The following CCDC40 variants were observed in gnomAD, a reference collection of about 807,000 sequenced individuals.
CCDC40 encodes the protein coiled-coil domain-containing protein 40.
CCDC40 carries 104 observed loss-of-function variants against 124.5 expected under a neutral mutation model. That is an observed-to-expected ratio of 0.84 (90% CI 0.71 to 0.98). CCDC40 has a LOEUF of 0.98. Among genes scored for constraint, CCDC40 ranks in the 50% least tolerant of loss-of-function variants. The pLI is 0.00. For missense variants in CCDC40, 1,463 were observed against 1,503.9 expected (o/e 0.97, Z 0.45); for synonymous variants, 580 against 602.9 (o/e 0.96, Z 0.56).
chr17:80,079,212 T>C (rs2038388247), intron 10 of CCDC40, among the ~76,000 whole-genome samples: 1 of 152,164 alleles, frequency 6.6e-6, no homozygotes, highest in African/African-American at 2.4e-5. Context: ...AGTCAGAAAG[T>C]ACTTTCTTCT....
At chr17:80,080,724 C>T (rs1314265983) in intron 10 of CCDC40, among the ~76,000 whole-genome samples, 1 of 152,176 alleles carries the variant, frequency 6.6e-6, no homozygotes, top group Non-Finnish European at 1.5e-5. Flanking sequence ...AATCACAGTA[C>T]AAAAGAGTTG....
intron 3 of CCDC40, among the ~76,000 whole-genome samples, chr17:80,041,574 G>T (rs2037284588): frequency 6.6e-6 from 1 of 152,086 alleles, no homozygotes; most frequent in Non-Finnish European, 1.5e-5. Context: ...CCTCATTCAG[G>T]GTTCACCAAA....
At chr17:80,076,047 T>G (rs1180029355) in intron 10 of CCDC40, among the ~76,000 whole-genome samples, 1 of 152,226 alleles carries the variant, frequency 6.6e-6, no homozygotes, top group Non-Finnish European at 1.5e-5. Context: ...AATCTGCTCC[T>G]GTGAAGATGC....
chr17:80,058,280 G>A lies in CCDC40; in HGVS notation c.1160-214G>A, dbSNP rs553948168. 3.3e-5 allele frequency among the ~76,000 whole-genome samples: 5 copies of A among 152,340 alleles called. No individual in the cohort carries two copies. The highest frequency in any genetic ancestry group is 2.1e-4 in the South Asian group (1 of 4,834). On this transcript the variant is annotated intron_variant, in intron 7 of 19. Coordinates refer to ENST00000397545, the MANE Select transcript of CCDC40 (RefSeq NM_017950.4). This position sits in a 1 kb window ranked among gnomAD's most constrained non-coding sequence, Gnocchi z 4.2. Reference sequence around the variant, plus strand: ...GCTGCAATTTGTGGATGTAGATTCCGTATATTTTTGTCTCTTCCAAGAGAC... The same window carrying A: ...GCTGCAATTTGTGGATGTAGATTCCATATATTTTTGTCTCTTCCAAGAGAC...
intron 7 of CCDC40, among the ~76,000 whole-genome samples, chr17:80,054,983 AAAAT>A (rs1201708093): frequency 1.6e-4 from 25 of 152,072 alleles, no homozygotes; most frequent in African/African-American, 6.0e-4. Context: ...TCAAAAAAAA[AAAAT>A]AAATAAATCA....
intron 10 of CCDC40, among the ~76,000 whole-genome samples, chr17:80,072,833 A>G (rs2038224272): frequency 6.6e-6 from 1 of 152,160 alleles, no homozygotes; most frequent in South Asian, 2.1e-4. Flanking sequence ...ACTGATGGAC[A>G]TTTGGCTTTT....
intron 7 of CCDC40, among the ~76,000 whole-genome samples, chr17:80,050,935 G>T (rs1460629633): frequency 3.3e-5 from 5 of 152,194 alleles, no homozygotes. Flanking sequence ...GGTGAGGCCG[G>T]CACGACGGTC....
chr17:80,069,161 C>T (rs2038125797), intron 10 of CCDC40, among the ~76,000 whole-genome samples: 1 of 152,132 alleles, frequency 6.6e-6, no homozygotes, highest in African/African-American at 2.4e-5. Flanking sequence ...TCTCTTTCCC[C>T]ATGCCTTTGT....
intron 10 of CCDC40, chr17:80,067,773 C>A (rs2038085643): frequency 1.4e-6 from 2 of 1,469,538 alleles, no homozygotes; most frequent in Non-Finnish European, 1.8e-6. Context: ...AGGATTGTGA[C>A]AGTCACGCCC....
At chr17:80,092,970 C>T (rs1035932200) in intron 17 of CCDC40, among the ~76,000 whole-genome samples, 1 of 151,934 alleles carries the variant, frequency 6.6e-6, no homozygotes, top group Non-Finnish European at 1.5e-5. Context: ...ATTTTTTTTG[C>T]ATTTGGATGT....
chr17:80,097,977 T>C, intron 19 of CCDC40: 1 of 171,392 alleles, frequency 5.8e-6, no homozygotes, highest in South Asian at 1.3e-4. Context: ...TGTTAGGTGG[T>C]GGTAAATGCT....
intron 10 of CCDC40, chr17:80,067,056 G>A (rs957614810): frequency 5.2e-5 from 8 of 154,844 alleles, no homozygotes; most frequent in Admixed American, 1.9e-4. Context: ...CAGCTGCCAC[G>A]GGCCTTAAGA....
At chr17:80,044,420 A>G (rs2037360187) in intron 3 of CCDC40, among the ~76,000 whole-genome samples, 1 of 152,168 alleles carries the variant, frequency 6.6e-6, no homozygotes, top group Admixed American at 6.5e-5. Context: ...CTAGTGGCTC[A>G]TGGCTGTGAT....
chr17:80,064,507 G>C (rs149987173), intron 9 of CCDC40, among the ~76,000 whole-genome samples: 6 of 147,826 alleles, frequency 4.1e-5, no homozygotes, highest in African/African-American at 1.1e-4. Flanking sequence ...GGTCGCTCCT[G>C]TACCCATGGA....
At chr17:80,061,695 G>A (rs1042570063) in intron 9 of CCDC40, among the ~76,000 whole-genome samples, 4 of 152,186 alleles carry the variant, frequency 2.6e-5, no homozygotes, top group East Asian at 1.9e-4. Flanking sequence ...CCTGTTCATC[G>A]AGCGAAGTCA....
In CCDC40 at chr17:80,045,832, A is replaced by G. The variant is rs554730001; in HGVS notation, c.553-1447A>G. On this transcript the variant is annotated intron_variant, in intron 3 of 19. Coordinates refer to ENST00000397545, the MANE Select transcript of CCDC40 (RefSeq NM_017950.4). ...CCCACAATGTTGCACAAAGATCATC[A>G]TAACCTTTCAAAAAAAAAAAAAACA... is the stretch of plus-strand genomic sequence containing the variant. 9.2e-5 allele frequency among the ~76,000 whole-genome samples: 13 copies of G among 141,372 alleles called. No homozygotes were observed. In the South Asian group the frequency reaches 2.9e-3, roughly 31 times the overall value. The allele number at this position is 141,372 out of a possible 152,430, so 92.7% of individuals were successfully genotyped here. A position where few individuals can be genotyped will look rare whatever the true frequency, so the allele number is the denominator to read the frequency against.
At position 80,087,571 on chromosome 17, in the gene CCDC40, T is replaced by G. The variant is rs773407328; in HGVS notation, c.2450-36T>G. 5.0e-6 allele frequency: 8 copies of G among 1,601,274 alleles called. No homozygotes were observed. The African/African-American group carries it at 1.1e-4, about 21-fold the overall frequency. ...CTGCGGGCGAGGACCCGTACCCTCC[T>G]GGGGTCTCTCCCTGAGTCTCTGTTT... On this transcript the variant is annotated intron_variant, in intron 14 of 19. Transcript: ENST00000397545. This position sits in a 1 kb window ranked among gnomAD's most constrained non-coding sequence, Gnocchi z 4.5.
intron 10 of CCDC40, among the ~76,000 whole-genome samples, chr17:80,068,839 C>T (rs950357706): frequency 2.6e-5 from 4 of 152,174 alleles, no homozygotes; most frequent in Admixed American, 1.3e-4. Context: ...ACCAAAGAAC[C>T]GAATGCTCCA....
chr17:80,061,302 T>C (rs1172339083), intron 9 of CCDC40, among the ~76,000 whole-genome samples: 1 of 152,152 alleles, frequency 6.6e-6, no homozygotes, highest in African/African-American at 2.4e-5. Context: ...GCCGAGATCA[T>C]GCCATTGCAT....
Sources: gnomAD v4.1 joint callset for allele counts (sites outside exome capture counted in the v4.1 genomes callset) on GRCh38, gnomAD v4.1.1 for gene constraint, Gnocchi (gnomAD v3.1) non-coding constraint, MANE v1.5 for transcripts, NCBI Gene and HGNC (gene_info 2026-07-23, HGNC 2026-07-21) for gene names.